Variants in MTHFD1L observed in about 807,000 individuals in gnomAD.
MTHFD1L encodes the protein methylenetetrahydrofolate dehydrogenase (NADP+ dependent) 1 like.
Under a neutral mutation model 119.5 loss-of-function variants are expected in MTHFD1L, and 81 were observed. The observed-to-expected ratio is 0.68, with a 90% CI of 0.57 to 0.82. MTHFD1L has a LOEUF of 0.82. Ranked by LOEUF, MTHFD1L falls within the 40% of genes least tolerant of loss-of-function variation. The pLI, the probability that MTHFD1L is intolerant of heterozygous loss-of-function variation, is 0.00. For synonymous variants in MTHFD1L, 430 were observed against 475.2 expected, an observed-to-expected ratio of 0.90 and a Z score of 1.24; for missense variants, 1,125 against 1,253.4, an observed-to-expected ratio of 0.90 and a Z score of 1.55.
rs188578113 is a variant in MTHFD1L, at chr6:150,985,499, A to G, written c.2125+13441A>G. Among the ~76,000 whole-genome samples, 481 of 152,030 alleles carry G rather than the reference A, an allele frequency of 3.2e-3. 5 individuals are homozygous for G. Among genetic ancestry groups the G allele is most frequent in the African/African-American group, 0.011 (455 of 41,454 alleles). Reference sequence around the variant, plus strand: ...CAACATGATGAAACCTGTCTCTACTAAAAATACAAAAATTAGCCGGGCTTG... The same window carrying G: ...CAACATGATGAAACCTGTCTCTACTGAAAATACAAAAATTAGCCGGGCTTG... On this transcript the variant is annotated intron_variant, in intron 20 of 27. Transcript: ENST00000367321.
chr6:150,867,069 C>T (rs1249884289), intron 1 of MTHFD1L, among the ~76,000 whole-genome samples: 1 of 152,192 alleles, frequency 6.6e-6, no homozygotes, highest in Non-Finnish European at 1.5e-5. Context: ...TTTCCTTCCT[C>T]CCTCTGCTCT....
intron 26 of MTHFD1L, among the ~76,000 whole-genome samples, chr6:151,082,591 T>G (rs542217831): frequency 1.3e-5 from 2 of 152,188 alleles, no homozygotes; most frequent in East Asian, 3.9e-4. Context: ...TTTTTTTTGG[T>G]TTAAGCTATC....
At chr6:151,010,509 C>T (rs1460407985) in intron 21 of MTHFD1L, among the ~76,000 whole-genome samples, 1 of 152,142 alleles carries the variant, frequency 6.6e-6, no homozygotes, top group African/African-American at 2.4e-5. Flanking sequence ...TGTTATAATA[C>T]TGGATTGTTT....
At chr6:151,029,644 A>G (rs1785064605) in intron 24 of MTHFD1L, among the ~76,000 whole-genome samples, 1 of 151,950 alleles carries the variant, frequency 6.6e-6, no homozygotes, top group Non-Finnish European at 1.5e-5. Context: ...TAAAAATACA[A>G]AATTAGCCGG....
At chr6:150,907,058 T>G (rs182711662) in intron 8 of MTHFD1L, among the ~76,000 whole-genome samples, 129 of 152,232 alleles carry the variant, frequency 8.5e-4, no homozygotes, top group African/African-American at 2.9e-3. Flanking sequence ...GGACAGGGCT[T>G]CCTCTGTTCA....
At chr6:150,928,724 T>C (rs1388308317) in intron 11 of MTHFD1L, among the ~76,000 whole-genome samples, 1 of 151,968 alleles carries the variant, frequency 6.6e-6, no homozygotes, top group Non-Finnish European at 1.5e-5. Flanking sequence ...TTTGTATTTT[T>C]ATAGAGACGG....
chr6:150,923,562 T>TTTG (rs1789438698), intron 10 of MTHFD1L, among the ~76,000 whole-genome samples: 2 of 146,358 alleles, frequency 1.4e-5, no homozygotes, highest in Non-Finnish European at 3.0e-5. Flanking sequence ...TTTTTTTTTT[T>TTTG]TTGAGACAGA....
intron 20 of MTHFD1L, among the ~76,000 whole-genome samples, chr6:150,999,540 G>A (rs1279535745): frequency 2.0e-5 from 3 of 152,116 alleles, no homozygotes; most frequent in African/African-American, 7.2e-5. Context: ...AAGAACATGG[G>A]AACTATTTGG....
At chr6:151,040,287 C>T (rs1046712725) in intron 26 of MTHFD1L, among the ~76,000 whole-genome samples, 5 of 152,204 alleles carry the variant, frequency 3.3e-5, no homozygotes, top group South Asian at 2.1e-4. Flanking sequence ...CTTTAAGAAG[C>T]TTTCTCTGCT....
intron 14 of MTHFD1L, 122 bp downstream of exon 14, chr6:150,944,715 G>A (rs1352727913): frequency 4.1e-6 from 3 of 729,366 alleles, no homozygotes; most frequent in East Asian, 2.8e-5. Context: ...ATTCAATTTT[G>A]TGATTTTTAC....
chr6:151,089,943 G>A (rs1293273884), intron 26 of MTHFD1L, among the ~76,000 whole-genome samples: 1 of 152,214 alleles, frequency 6.6e-6, no homozygotes, highest in African/African-American at 2.4e-5. Context: ...TGTCAAAAGT[G>A]TAGTTGCAGT....
chr6:150,974,329 G>A (rs1447567370), intron 20 of MTHFD1L, among the ~76,000 whole-genome samples: 1 of 152,106 alleles, frequency 6.6e-6, no homozygotes, highest in Admixed American at 6.6e-5. Flanking sequence ...GGCTGTCATT[G>A]TTACCCCCAC....
chr6:150,905,220 G>A (rs1785709520), intron 7 of MTHFD1L, among the ~76,000 whole-genome samples: 2 of 151,842 alleles, frequency 1.3e-5, no homozygotes, highest in Non-Finnish European at 2.9e-5. Context: ...TTTTAGTAGA[G>A]ACAGGGTTTT....
At chr6:150,899,849 G>A (rs979277533) in intron 7 of MTHFD1L, among the ~76,000 whole-genome samples, 17 of 151,858 alleles carry the variant, frequency 1.1e-4, no homozygotes, top group African/African-American at 1.4e-4. Context: ...GCATGCGCCT[G>A]TAATCCTAGC....
chr6:151,078,854 G>T (rs377125833), intron 26 of MTHFD1L, among the ~76,000 whole-genome samples: 1 of 152,088 alleles, frequency 6.6e-6, no homozygotes, highest in Non-Finnish European at 1.5e-5. Context: ...GGGAGTCGCC[G>T]CCACAGTGTG....
chr6:151,046,878 G>A (rs1486742145), intron 26 of MTHFD1L, among the ~76,000 whole-genome samples: 1 of 152,146 alleles, frequency 6.6e-6, no homozygotes, highest in Non-Finnish European at 1.5e-5. Flanking sequence ...AATAAAAAGA[G>A]AAGTTAAACT....
chr6:150,931,428 T>C (rs1791029850), intron 11 of MTHFD1L, among the ~76,000 whole-genome samples: 1 of 152,220 alleles, frequency 6.6e-6, no homozygotes, highest in Non-Finnish European at 1.5e-5. Flanking sequence ...CTGTGTGATT[T>C]TCTTTTATTT....
chr6:150,977,385 A>G (rs770348430), intron 20 of MTHFD1L, among the ~76,000 whole-genome samples: 1 of 152,248 alleles, frequency 6.6e-6, no homozygotes, highest in African/African-American at 2.4e-5. Flanking sequence ...TTAAAAAAGC[A>G]TGAATTTGCA....
At chr6:150,972,773 A>C (rs1194200102) in intron 20 of MTHFD1L, among the ~76,000 whole-genome samples, 1 of 152,234 alleles carries the variant, frequency 6.6e-6, no homozygotes, top group Non-Finnish European at 1.5e-5. Flanking sequence ...TTCCATGTAC[A>C]GTTTCTCCTT....
Sources: allele counts gnomAD v4.1 joint callset (sites outside exome capture counted in the v4.1 genomes callset), GRCh38; gene constraint gnomAD v4.1.1; transcripts MANE v1.5; gene names NCBI Gene and HGNC (gene_info 2026-07-23, HGNC 2026-07-21).